MICU2: variants seen among roughly 807,000 people sequenced by gnomAD.
MICU2 encodes the protein mitochondrial calcium uptake 2.
Under a neutral mutation model 60.4 loss-of-function variants are expected in MICU2, and 64 were observed. The ratio of observed to expected loss-of-function variants is 1.06; its 90% CI spans 0.87 to 1.31. The LOEUF (loss-of-function observed/expected upper bound fraction) is 1.31, where lower values mean the gene tolerates loss of function less well. Ranked by LOEUF, MICU2 falls within the 50% of genes most tolerant of loss-of-function variation. The pLI is 0.00. For synonymous variants in MICU2, 201 were observed against 175.0 expected (o/e 1.15, Z -1.17); for missense variants, 569 against 531.0 (o/e 1.07, Z -0.70).
At chr13:21,521,103 A>T (rs1886705958) in intron 6 of MICU2, 142 bp downstream of exon 6, 3 of 699,894 alleles carry the variant, frequency 4.3e-6, no homozygotes, top group Admixed American at 3.1e-5. Context: ...TAGAAAATTT[A>T]ATATTTTTGA....
At chr13:21,598,491 G>A (rs1035977650) in intron 1 of MICU2, among the ~76,000 whole-genome samples, 2 of 152,212 alleles carry the variant, frequency 1.3e-5, no homozygotes, top group East Asian at 1.9e-4. Flanking sequence ...TGAGGCGGAC[G>A]GATCACCTGA....
chr13:21,565,685 T>C (rs1311370724), intron 2 of MICU2, among the ~76,000 whole-genome samples: 2 of 151,472 alleles, frequency 1.3e-5, no homozygotes, highest in African/African-American at 4.9e-5. Context: ...AAACAAAAAT[T>C]AGCCAGGCAT....
intron 6 of MICU2, among the ~76,000 whole-genome samples, chr13:21,517,797 A>ACGCGCG (rs764778244): frequency 1.9e-3 from 171 of 90,174 alleles, no homozygotes; most frequent in African/African-American, 6.4e-3. Context: ...ACACACACAC[A>ACGCGCG]CACGCGCGCG....
At chr13:21,498,193 A>G (rs1886048875) in intron 9 of MICU2, among the ~76,000 whole-genome samples, 1 of 152,114 alleles carries the variant, frequency 6.6e-6, no homozygotes, top group Non-Finnish European at 1.5e-5. Context: ...GACTTCATGA[A>G]ATTTTTATTT....
intron 4 of MICU2, among the ~76,000 whole-genome samples, chr13:21,531,953 A>G (rs1172374376): frequency 1.3e-5 from 2 of 152,206 alleles, no homozygotes; most frequent in African/African-American, 2.4e-5. Context: ...AAGAAATACT[A>G]CAATCCTTCT....
Position 21,495,319 on chromosome 13 carries a change from C to A in MICU2, c.1043-1G>T, listed in dbSNP as rs755382569. 6.3e-7 allele frequency: 1 copy of A among 1,577,268 alleles called. No homozygotes were observed. Among genetic ancestry groups the A allele is most frequent in the Non-Finnish European group, 8.6e-7 (1 of 1,163,114 alleles). ...ACTTTCACAGCTCTCTTAAACTCCG[C>A]TAAAAAACAAACATAAAACAACTTA... On this transcript the variant is annotated splice_acceptor_variant, in intron 10 of 11. Transcript: ENST00000382374. LOFTEE classifies it high-confidence loss of function.
chr13:21,510,446 GAGAGAGTT>G (rs774070860), intron 7 of MICU2, among the ~76,000 whole-genome samples: 6 of 152,188 alleles, frequency 3.9e-5, no homozygotes, highest in Admixed American at 2.6e-4. Flanking sequence ...AAGCAGCACT[GAGAGAGTT>G]AAAGCAAGAA....
intron 1 of MICU2, among the ~76,000 whole-genome samples, chr13:21,568,005 T>C (rs1888023937): frequency 1.3e-5 from 2 of 152,204 alleles, no homozygotes; most frequent in African/African-American, 4.8e-5. Context: ...GAACATATTA[T>C]CTGTGAAATC....
chr13:21,581,526 C>T (rs1038842796), intron 1 of MICU2, among the ~76,000 whole-genome samples: 2 of 152,120 alleles, frequency 1.3e-5, no homozygotes, highest in African/African-American at 4.8e-5. Context: ...GAGTATGTAA[C>T]TTTTACCACA....
At chr13:21,593,133 A>G (rs903755881) in intron 1 of MICU2, among the ~76,000 whole-genome samples, 4 of 152,170 alleles carry the variant, frequency 2.6e-5, no homozygotes, top group Non-Finnish European at 5.9e-5. Context: ...ATCTCAGCCC[A>G]AAAACTTCTT....
intron 1 of MICU2, among the ~76,000 whole-genome samples, chr13:21,600,758 C>T (rs1888794655): frequency 6.6e-6 from 1 of 151,812 alleles, no homozygotes; most frequent in African/African-American, 2.4e-5. Context: ...GAAAAAAGCA[C>T]TTAGTGTAAT....
intron 4 of MICU2, chr13:21,530,637 G>GTC (rs572783182): frequency 1.0e-5 from 3 of 300,948 alleles, no homozygotes; most frequent in South Asian, 5.5e-5. Context: ...TATCTACTAT[G>GTC]TCTCTCTCTC....
At chr13:21,580,531 T>C (rs1251126608) in intron 1 of MICU2, among the ~76,000 whole-genome samples, 2 of 149,094 alleles carry the variant, frequency 1.3e-5, no homozygotes, top group Non-Finnish European at 3.0e-5. Context: ...GAGCCTGATA[T>C]TCTACAATGA....
At chr13:21,516,741 G>A (rs1384646556) in intron 6 of MICU2, among the ~76,000 whole-genome samples, 3 of 152,108 alleles carry the variant, frequency 2.0e-5, no homozygotes, top group African/African-American at 7.2e-5. Context: ...GTTTTAACTT[G>A]CATTTCCCTG....
intron 7 of MICU2, among the ~76,000 whole-genome samples, chr13:21,510,934 A>C (rs1336598390): frequency 6.6e-6 from 1 of 152,184 alleles, no homozygotes; most frequent in Non-Finnish European, 1.5e-5. Context: ...GAGACAAGTC[A>C]TGGCAAACTC....
intron 2 of MICU2, among the ~76,000 whole-genome samples, chr13:21,559,070 T>G (rs1467110569): frequency 6.6e-6 from 1 of 152,188 alleles, no homozygotes; most frequent in Non-Finnish European, 1.5e-5. Context: ...CTCTTAGTTT[T>G]CTTATCCAAT....
At chr13:21,561,711 CTT>C (rs1171543592) in intron 2 of MICU2, among the ~76,000 whole-genome samples, 14 of 133,308 alleles carry the variant, frequency 1.1e-4, no homozygotes, top group African/African-American at 3.9e-4. Flanking sequence ...TTTTTAGTCT[CTT>C]TTTTTTTATT....
chr13:21,602,052 T>C (rs1018263201), intron 1 of MICU2, among the ~76,000 whole-genome samples: 3 of 148,166 alleles, frequency 2.0e-5, no homozygotes, highest in Admixed American at 1.4e-4. Flanking sequence ...GAGGTTGTAG[T>C]GAGCCGGGAT....
intron 6 of MICU2, among the ~76,000 whole-genome samples, chr13:21,518,791 G>A (rs1040013158): frequency 2.0e-5 from 3 of 152,128 alleles, no homozygotes; most frequent in African/African-American, 7.2e-5. Context: ...TATGGCACTG[G>A]TATTTCAGGT....
Sources: allele counts gnomAD v4.1 joint callset (sites outside exome capture counted in the v4.1 genomes callset), GRCh38; gene constraint gnomAD v4.1.1; transcripts MANE v1.5; gene names NCBI Gene and HGNC (gene_info 2026-07-23, HGNC 2026-07-21).